The following XKR4 variants were observed in gnomAD, a reference collection of about 807,000 sequenced individuals.
XKR4 encodes the protein XK-related protein 4.
Under a neutral mutation model 53.9 loss-of-function variants are expected in XKR4, and 12 were observed. That is an observed-to-expected ratio of 0.22 (90% CI 0.14 to 0.36). The LOEUF is 0.36. XKR4 is among the 10% of genes least tolerant of loss of function. The probability of loss-of-function intolerance (pLI) is 1.00; values close to 1 mark genes in which losing one functional copy is unlikely to be tolerated. For synonymous variants in XKR4, 354 were observed against 362.4 expected, an observed-to-expected ratio of 0.98 and a Z score of 0.26; for missense variants, 799 against 859.5, an observed-to-expected ratio of 0.93 and a Z score of 0.88.
chr8:55,181,012 T>A (rs1817303000), intron 1 of XKR4, among the ~76,000 whole-genome samples: 1 of 152,178 alleles, frequency 6.6e-6, no homozygotes, highest in Admixed American at 6.5e-5. Flanking sequence ...GATTGAGGAA[T>A]CCATTGAATT....
chr8:55,365,694 T>G (rs1221012411), intron 2 of XKR4, among the ~76,000 whole-genome samples: 13 of 99,940 alleles, frequency 1.3e-4, no homozygotes, highest in East Asian at 2.7e-4. Context: ...GCAACAAGAG[T>G]GAAACTTCGT....
At chr8:55,439,534 G>T (rs182184896) in intron 2 of XKR4, among the ~76,000 whole-genome samples, 1 of 152,178 alleles carries the variant, frequency 6.6e-6, no homozygotes, top group Non-Finnish European at 1.5e-5. Context: ...ATCAGGTAGA[G>T]TAGGGACAAA....
At chr8:55,211,843 A>G (rs1817736109) in intron 1 of XKR4, among the ~76,000 whole-genome samples, 1 of 152,264 alleles carries the variant, frequency 6.6e-6, no homozygotes, top group Non-Finnish European at 1.5e-5. Flanking sequence ...TATGAGGACC[A>G]TGGCCCATGA....
intron 1 of XKR4, among the ~76,000 whole-genome samples, chr8:55,208,216 T>C (rs538260281): frequency 6.6e-6 from 1 of 152,310 alleles, no homozygotes; most frequent in Admixed American, 6.5e-5. Flanking sequence ...ATTTCCAGTA[T>C]GTAATATTAT....
chr8:55,160,586 C>T (rs983311036), intron 1 of XKR4, among the ~76,000 whole-genome samples: 2 of 152,208 alleles, frequency 1.3e-5, no homozygotes, highest in South Asian at 4.1e-4. Context: ...CTGGCAGAGC[C>T]TTCCTTACTC....
At chr8:55,161,749 C>T (rs891877186) in intron 1 of XKR4, 8 of 388,820 alleles carry the variant, frequency 2.1e-5, no homozygotes, top group African/African-American at 8.4e-5. Context: ...ACTGCACATA[C>T]ATTCATCACT....
intron 2 of XKR4, among the ~76,000 whole-genome samples, chr8:55,518,979 G>A (rs775839782): frequency 5.3e-5 from 8 of 152,182 alleles, no homozygotes; most frequent in Non-Finnish European, 1.0e-4. Flanking sequence ...TGGGGAAGGC[G>A]CTCTTATAGA....
rs112171903 is a variant in XKR4 at position 55,499,498 on chromosome 8, T to C, written c.1007-23783T>C. 4.8e-3 allele frequency among the ~76,000 whole-genome samples: 729 copies of C among 152,330 alleles called. 7 individuals carry two copies. The highest frequency in any genetic ancestry group is 0.016 in the African/African-American group (673 of 41,578). On this transcript the variant is annotated intron_variant, in intron 2 of 2. Transcript: ENST00000327381. ...AATAATGACTGGCAAATATCTTTTC[T>C]GGTGTTATTTTAGAAAATTTACAAG...
chr8:55,396,108 G>T (rs1804512719), intron 2 of XKR4, among the ~76,000 whole-genome samples: 1 of 152,220 alleles, frequency 6.6e-6, no homozygotes. Flanking sequence ...GGGTATTAGG[G>T]TTTTAACACA....
chr8:55,431,113 G>A (rs760491384), intron 2 of XKR4, among the ~76,000 whole-genome samples: 4 of 152,210 alleles, frequency 2.6e-5, no homozygotes, highest in Admixed American at 6.5e-5. Flanking sequence ...ATTTGTAAAG[G>A]AGTTTGATTA....
chr8:55,426,972 A>G (rs1805025372), intron 2 of XKR4, among the ~76,000 whole-genome samples: 1 of 152,218 alleles, frequency 6.6e-6, no homozygotes, highest in Non-Finnish European at 1.5e-5. Flanking sequence ...ACCACTGCCT[A>G]CAGTTGCTAT....
chr8:55,112,179 T>A (rs985753190), intron 1 of XKR4, among the ~76,000 whole-genome samples: 2 of 152,238 alleles, frequency 1.3e-5, no homozygotes, highest in Non-Finnish European at 2.9e-5. Context: ...TATTTTCTCA[T>A]CTTTATGATT....
intron 2 of XKR4, among the ~76,000 whole-genome samples, chr8:55,494,534 G>A (rs1448837683): frequency 6.6e-6 from 1 of 152,196 alleles, no homozygotes. Flanking sequence ...AAGACGAAGA[G>A]GAGTTTTATT....
intron 1 of XKR4, among the ~76,000 whole-genome samples, chr8:55,239,171 T>C (rs1818173787): frequency 6.6e-6 from 1 of 152,242 alleles, no homozygotes; most frequent in South Asian, 2.1e-4. Context: ...GTTTGAGATA[T>C]CAATAAATTT....
chr8:55,274,669 G>T (rs1375313516), intron 1 of XKR4, among the ~76,000 whole-genome samples: 1 of 152,174 alleles, frequency 6.6e-6, no homozygotes, highest in Admixed American at 6.5e-5. Context: ...CTGGCCTCAA[G>T]TGATCTGCCT....
intron 2 of XKR4, among the ~76,000 whole-genome samples, chr8:55,387,128 C>T (rs1461050794): frequency 6.6e-6 from 1 of 152,216 alleles, no homozygotes; most frequent in Non-Finnish European, 1.5e-5. Context: ...TAATTACCAG[C>T]TGATTGCTGT....
chr8:55,281,910 A>G (rs755600089), intron 1 of XKR4, among the ~76,000 whole-genome samples: 2 of 152,206 alleles, frequency 1.3e-5, no homozygotes, highest in African/African-American at 2.4e-5. Flanking sequence ...ATTATTCCCA[A>G]TGAAAATTGG....
At chr8:55,165,872 G>T (rs1377533863) in intron 1 of XKR4, among the ~76,000 whole-genome samples, 1 of 151,880 alleles carries the variant, frequency 6.6e-6, no homozygotes, top group African/African-American at 2.4e-5. Flanking sequence ...GGTCAAAGAG[G>T]TTTATGGGAA....
At chr8:55,371,940 T>C (rs767410568) in intron 2 of XKR4, among the ~76,000 whole-genome samples, 101 of 152,356 alleles carry the variant, frequency 6.6e-4, no homozygotes, top group Non-Finnish European at 9.4e-4. Context: ...TCTACTTAAT[T>C]ATCTCCAATA....
Sources: allele counts gnomAD v4.1 joint callset (sites outside exome capture counted in the v4.1 genomes callset), GRCh38; gene constraint gnomAD v4.1.1; transcripts MANE v1.5; gene names NCBI Gene and HGNC (gene_info 2026-07-23, HGNC 2026-07-21).